Variants in SLC36A3 observed in about 807,000 individuals in gnomAD.
SLC36A3 encodes the protein proton-coupled amino acid transporter 3.
In SLC36A3, 35 loss-of-function variants were observed where a neutral mutation model predicts 44.3. That is an observed-to-expected ratio of 0.79 (90% CI 0.60 to 1.05). The LOEUF (loss-of-function observed/expected upper bound fraction) is 1.05. SLC36A3 is among the 50% of genes least tolerant of loss of function. SLC36A3 has a pLI of 0.00. For missense variants in SLC36A3, 540 were observed against 578.7 expected, an observed-to-expected ratio of 0.93 and a Z score of 0.69; for synonymous variants, 211 against 227.6, an observed-to-expected ratio of 0.93 and a Z score of 0.66.
At chr5:151,301,682 G>A (rs1755168715) in intron 1 of SLC36A3, among the ~76,000 whole-genome samples, 1 of 149,004 alleles carries the variant, frequency 6.7e-6, no homozygotes, top group African/African-American at 2.5e-5. Context: ...AGTGAGCTGA[G>A]ATCGCGCCAC....
In SLC36A3 at chr5:151,277,666, A is replaced by C. The variant is rs1561625431; in HGVS notation, c.1145-5T>G. 1.9e-6 allele frequency: 3 copies of C among 1,613,252 alleles called. 1 individual carries two copies. In the South Asian group the frequency reaches 3.3e-5, roughly 18 times the overall value. ...GGATGAGGATGGCTGAGACACCTGC[A>C]ATGAAAGGAGATATTTAGAATCACT... On this transcript the variant is annotated splice_polypyrimidine_tract_variant and splice_region_variant and intron_variant, in intron 9 of 9. Coordinates refer to ENST00000335230, the MANE Select transcript of SLC36A3 (RefSeq NM_181774.4).
Position 151,277,538 on chromosome 5 carries a change from T to A in SLC36A3, c.1268A>T (p.Asp423Val). Reference protein sequence around the residue: ...LLEIVIFYSEDMSCVTIAKDI... With the variant: ...LLEIVIFYSEVMSCVTIAKDI... ...CTTGGCAATGGTGACACAGCTCATG[T>A]CCTCAGAGTAAAAGATGACGATCTC... The change falls in exon 10 of 10, where the codon GAC becomes GTC. Residue 423 changes from aspartate to valine, a missense_variant. Asp to Val is a radical substitution (Grantham distance 152, BLOSUM62 -3). Coordinates refer to ENST00000335230, the MANE Select transcript of SLC36A3 (RefSeq NM_181774.4). 6.2e-7 allele frequency: 1 copy of A among 1,614,192 alleles called. No homozygotes were observed. Among genetic ancestry groups the A allele is most frequent in the Non-Finnish European group, 8.5e-7 (1 of 1,180,032 alleles).
chr5:151,293,902 C>T (rs1192708083), intron 3 of SLC36A3, among the ~76,000 whole-genome samples: 1 of 150,006 alleles, frequency 6.7e-6, no homozygotes, highest in Non-Finnish European at 1.5e-5. Flanking sequence ...CCTGCCCAGC[C>T]CCCTGTAGGA....
intron 9 of SLC36A3, 120 bp downstream of exon 9, chr5:151,280,894 T>G: frequency 8.4e-7 from 1 of 1,190,002 alleles, no homozygotes; most frequent in South Asian, 1.5e-5. Flanking sequence ...TCCAGGGAGG[T>G]GAAATATCCC....
At chr5:151,280,835 T>C (rs1260519721) in intron 9 of SLC36A3, among the ~76,000 whole-genome samples, 179 bp downstream of exon 9, 2 of 152,264 alleles carry the variant, frequency 1.3e-5, no homozygotes, top group Non-Finnish European at 2.9e-5. Flanking sequence ...TAACATTTAC[T>C]GTGTGGTAAT....
intron 6 of SLC36A3, among the ~76,000 whole-genome samples, chr5:151,286,340 T>A (rs1200811802): frequency 6.6e-6 from 1 of 152,212 alleles, no homozygotes; most frequent in African/African-American, 2.4e-5. Flanking sequence ...TCACCCAGGC[T>A]GGAATGCAGT....
At chr5:151,283,012 G>T (rs1459890966) in intron 8 of SLC36A3, among the ~76,000 whole-genome samples, 2 of 151,978 alleles carry the variant, frequency 1.3e-5, no homozygotes, top group Non-Finnish European at 2.9e-5. Flanking sequence ...AGCCTCCTGA[G>T]TAGCTGGGAT....
chr5:151,299,393 A>T (rs867579064), intron 1 of SLC36A3, among the ~76,000 whole-genome samples: 4 of 133,022 alleles, frequency 3.0e-5, no homozygotes, highest in Non-Finnish European at 5.0e-5. Flanking sequence ...ATATATATAT[A>T]TTATATATAT....
chr5:151,296,321 C>T, intron 2 of SLC36A3, 53 bp from the exon 3 acceptor site: 1 of 1,479,984 alleles, frequency 6.8e-7, no homozygotes, highest in Non-Finnish European at 9.4e-7. Context: ...CACTCCCATT[C>T]CCTGGCCCTC....
intron 3 of SLC36A3, 55 bp from the exon 4 acceptor site, chr5:151,293,514 G>C: frequency 7.0e-7 from 1 of 1,430,346 alleles, no homozygotes; most frequent in Non-Finnish European, 9.6e-7. Context: ...TAAAGGTACA[G>C]TTTTCTCCCA....
At chr5:151,282,125 T>TTTTTTTTTTTTTTTTTTTG (rs1754346916) in intron 8 of SLC36A3, among the ~76,000 whole-genome samples, 1 of 140,820 alleles carries the variant, frequency 7.1e-6, no homozygotes, top group African/African-American at 2.8e-5. Flanking sequence ...TTTTTTTTTT[T>TTTTTTTTTTTTTTTTTTTG]TTTTTTTTTT....
At chr5:151,284,000 T>A (rs10043175) in intron 8 of SLC36A3, 44 bp downstream of exon 8, 194,594 of 1,566,742 alleles carry the variant, frequency 0.12, 14,417 homozygotes, top group African/African-American at 0.3. Context: ...ACCAGAACAG[T>A]TCCAGTGTCT....
At chr5:151,292,282 T>C (rs911873818) in intron 4 of SLC36A3, among the ~76,000 whole-genome samples, 2 of 152,192 alleles carry the variant, frequency 1.3e-5, no homozygotes, top group African/African-American at 4.8e-5. Flanking sequence ...CATCTAATCA[T>C]TAGAGTGGCT....
intron 9 of SLC36A3, among the ~76,000 whole-genome samples, chr5:151,278,719 G>C (rs1341379341): frequency 1.3e-5 from 2 of 152,170 alleles, no homozygotes; most frequent in South Asian, 2.1e-4. Context: ...AAGCATAAGA[G>C]AGACTCATAG....
chr5:151,281,303 A>C, intron 8 of SLC36A3, 120 bp from the exon 9 acceptor site: 1 of 966,400 alleles, frequency 1.0e-6, no homozygotes, highest in Non-Finnish European at 1.5e-6. Context: ...ACAAAATCTG[A>C]AATGCTTCAA....
At position 151,280,997 on chromosome 5, in the gene SLC36A3, C is replaced by T; in HGVS notation, c.1144+17G>A. The T allele has an allele frequency of 1.2e-6, 2 of 1,613,688 alleles. No homozygotes were observed. Among genetic ancestry groups the T allele is most frequent in the East Asian group, 2.2e-5 (1 of 44,820 alleles). On this transcript the variant is annotated intron_variant, in intron 9 of 9. Coordinates refer to ENST00000335230, the MANE Select transcript of SLC36A3 (RefSeq NM_181774.4). ...TGTCATAGCTTTGGGTAAAGAGTGC[C>T]CTTTTATGCTACTCACAGGTTAGAC...
At chr5:151,285,925 C>T (rs1395589377) in intron 6 of SLC36A3, among the ~76,000 whole-genome samples, 2 of 152,050 alleles carry the variant, frequency 1.3e-5, no homozygotes, top group African/African-American at 4.8e-5. Flanking sequence ...CTCTGCCGCA[C>T]ATTAAGTTCA....
chr5:151,302,518 C>A (rs926431129), intron 1 of SLC36A3, among the ~76,000 whole-genome samples: 1 of 120,450 alleles, frequency 8.3e-6, no homozygotes. Context: ...GGGAGCTGAA[C>A]AATGAGAACA....
At chr5:151,299,381 A>G (rs1755094686) in intron 1 of SLC36A3, among the ~76,000 whole-genome samples, 1 of 145,308 alleles carries the variant, frequency 6.9e-6, no homozygotes, top group South Asian at 2.1e-4. Context: ...TGATATATAT[A>G]TATATATATA....
Sources: allele counts gnomAD v4.1 joint callset (sites outside exome capture counted in the v4.1 genomes callset), GRCh38; gene constraint gnomAD v4.1.1; transcripts MANE v1.5; gene names NCBI Gene and HGNC (gene_info 2026-07-23, HGNC 2026-07-21).